RAB18: variants seen among roughly 807,000 people sequenced by gnomAD.
The protein encoded by RAB18 is ras-related protein Rab-18.
In RAB18, 10 loss-of-function variants were observed where a neutral mutation model predicts 28.5. That is an observed-to-expected ratio of 0.35 (90% CI 0.22 to 0.60). The LOEUF (loss-of-function observed/expected upper bound fraction) is 0.60, where lower values mean the gene tolerates loss of function less well. Among genes scored for constraint, RAB18 ranks in the 20% least tolerant of loss-of-function variants. The pLI, the probability that RAB18 is intolerant of heterozygous loss-of-function variation, is 0.78. For missense variants in RAB18, 188 were observed against 244.2 expected (o/e 0.77, Z 1.53); for synonymous variants, 93 against 86.9 (o/e 1.07, Z -0.39).
At chr10:27,515,480 A>G (rs1834419763) in intron 2 of RAB18, among the ~76,000 whole-genome samples, 1 of 152,206 alleles carries the variant, frequency 6.6e-6, no homozygotes, top group Non-Finnish European at 1.5e-5. Flanking sequence ...AAAATATGTG[A>G]AAATGTCTTT....
At chr10:27,522,514 G>T (rs907723022) in intron 2 of RAB18, among the ~76,000 whole-genome samples, 2 of 152,238 alleles carry the variant, frequency 1.3e-5, no homozygotes, top group East Asian at 3.9e-4. Context: ...CCAATCTTTT[G>T]ATAGGAGAGT....
intron 6 of RAB18, among the ~76,000 whole-genome samples, chr10:27,535,717 A>C (rs1834880594): frequency 6.6e-6 from 1 of 152,088 alleles, no homozygotes; most frequent in African/African-American, 2.4e-5. Flanking sequence ...GGTGGTAGAA[A>C]ATTGGCAGTT....
chr10:27,534,978 A>C (rs1010643076), intron 6 of RAB18, among the ~76,000 whole-genome samples: 1 of 152,250 alleles, frequency 6.6e-6, no homozygotes, highest in South Asian at 2.1e-4. Flanking sequence ...CAAAACTGAC[A>C]AACTTTCTGC....
rs921217148 is a variant in RAB18, at chr10:27,539,016, G to A, written c.*965G>A. On this transcript the variant is annotated 3_prime_UTR_variant, in exon 7 of 7. Coordinates refer to ENST00000356940, the MANE Select transcript of RAB18 (RefSeq NM_021252.5). Reference sequence around the variant, plus strand: ...GGGGTGGGGAAAAAAAACACTAAGTGATAATTTGAAAAAGGCATATTGCTT... The same window carrying A: ...GGGGTGGGGAAAAAAAACACTAAGTAATAATTTGAAAAAGGCATATTGCTT... The A allele has an allele frequency of 2.3e-6, 1 of 428,986 alleles. No individual in the cohort carries two copies. Among genetic ancestry groups the A allele is most frequent in the Non-Finnish European group, 4.7e-6 (1 of 213,128 alleles). 26.6% of individuals were successfully genotyped at this position (428,986 alleles called of 1,614,324 possible). A position where few individuals can be genotyped will look rare whatever the true frequency, so the allele number is the denominator to read the frequency against.
At chr10:27,507,992 G>A (rs971197494) in intron 1 of RAB18, among the ~76,000 whole-genome samples, 13 of 151,088 alleles carry the variant, frequency 8.6e-5, no homozygotes, top group Non-Finnish European at 1.3e-4. Flanking sequence ...ATTCCAGCCT[G>A]GGTGACAGAG....
chr10:27,520,092 T>A (rs1290925657), intron 2 of RAB18, among the ~76,000 whole-genome samples: 1 of 152,222 alleles, frequency 6.6e-6, no homozygotes, highest in East Asian at 1.9e-4. Flanking sequence ...TTACTTTGAT[T>A]CATTTTTCTT....
intron 3 of RAB18, chr10:27,528,171 G>T: frequency 2.6e-6 from 1 of 390,186 alleles, no homozygotes; most frequent in South Asian, 1.9e-5. Context: ...AGTAGTATCT[G>T]AGACTTGCTG....
rs1834297015 is a variant in RAB18 at position 27,510,122 on chromosome 10, A to G, written c.124+192A>G. ...CCTTTCTAGATCTTACCAAGAGAAA[A>G]TAACTTCCTTATCTGTTGTCTCATG... On this transcript the variant is annotated intron_variant, in intron 2 of 6. Coordinates refer to ENST00000356940, the MANE Select transcript of RAB18 (RefSeq NM_021252.5). 6.6e-6 allele frequency: 4 copies of G among 610,010 alleles called. No homozygotes were observed. In the South Asian group the frequency reaches 7.8e-5, roughly 12 times the overall value. 37.8% of individuals were successfully genotyped at this position (610,010 alleles called of 1,614,324 possible).
chr10:27,538,716 A>G lies in RAB18; in HGVS notation c.*665A>G, dbSNP rs1032331867. 9 of 454,010 alleles carry G rather than the reference A, an allele frequency of 2.0e-5. No homozygotes were observed. Among genetic ancestry groups the G allele is most frequent in the African/African-American group, 1.8e-4 (9 of 50,020 alleles). The allele number at this position is 454,010 out of a possible 1,614,324, so 28.1% of individuals were successfully genotyped here. A position where few individuals can be genotyped will look rare whatever the true frequency, so the allele number is the denominator to read the frequency against. ...TTAACTGGAGTTTTAATCCTGTGAT[A>G]TGTACATTGGATTCATGACTGTGCA... On this transcript the variant is annotated 3_prime_UTR_variant, in exon 7 of 7. Transcript: ENST00000356940.
At position 27,540,895 on chromosome 10, in the gene RAB18, A is replaced by G. The variant is rs756428237; in HGVS notation, c.*2844A>G. 4.4e-6 allele frequency: 2 copies of G among 454,116 alleles called. No individual in the cohort carries two copies. The highest frequency in any genetic ancestry group is 3.1e-5 in the South Asian group (2 of 64,478). 28.1% of individuals were successfully genotyped at this position (454,116 alleles called of 1,614,324 possible). A position where few individuals can be genotyped will look rare whatever the true frequency, so the allele number is the denominator to read the frequency against. On this transcript the variant is annotated 3_prime_UTR_variant, in exon 7 of 7. Transcript: ENST00000356940. ...CTACTAAGGGTGGGGCTAGCACCAT[A>G]GCTCATAAAAGAATCCTTCTTACAC... is the stretch of plus-strand genomic sequence containing the variant.
chr10:27,505,271 C>T, intron 1 of RAB18: 1 of 431,748 alleles, frequency 2.3e-6, no homozygotes, highest in South Asian at 1.7e-5. Flanking sequence ...CAGCTGATGT[C>T]ATTCTTGCCA....
At chr10:27,505,704 C>T (rs1837811491) in intron 1 of RAB18, among the ~76,000 whole-genome samples, 1 of 152,136 alleles carries the variant, frequency 6.6e-6, no homozygotes, top group Non-Finnish European at 1.5e-5. Flanking sequence ...GGACTACAGG[C>T]GCGCACTATC....
intron 1 of RAB18, among the ~76,000 whole-genome samples, chr10:27,507,314 T>C (rs1429604428): frequency 2.6e-5 from 4 of 152,192 alleles, no homozygotes; most frequent in Non-Finnish European, 5.9e-5. Context: ...ATCAGGATTA[T>C]GAAACTGGGG....
intron 1 of RAB18, among the ~76,000 whole-genome samples, chr10:27,507,289 G>A (rs1018955617): frequency 1.3e-5 from 2 of 152,192 alleles, no homozygotes; most frequent in Admixed American, 1.3e-4. Context: ...AAGGGTATGT[G>A]ATAGTAGTCA....
Position 27,509,751 on chromosome 10 carries a change from G to C in RAB18, c.69-124G>C, listed in dbSNP as rs188397633. ...ACCTGCTCTGAGGCAGTATTCCTAG[G>C]AACAGGCCTACATCAGTTATTTTTA... On this transcript the variant is annotated intron_variant, in intron 1 of 6. Coordinates refer to ENST00000356940, the MANE Select transcript of RAB18 (RefSeq NM_021252.5). The C allele has an allele frequency of 1.1e-3, 890 of 787,834 alleles. 9 individuals are homozygous for C. In the African/African-American group the frequency reaches 0.014, roughly 12 times the overall value. The allele number at this position is 787,834 out of a possible 1,614,324, so 48.8% of individuals were successfully genotyped here. A position where few individuals can be genotyped will look rare whatever the true frequency, so the allele number is the denominator to read the frequency against.
chr10:27,504,751 G>A (rs769608539), intron 1 of RAB18: 1 of 611,386 alleles, frequency 1.6e-6, no homozygotes, highest in South Asian at 1.5e-5. Context: ...TCAGGGCGTG[G>A]CGGGCTGGTT....
chr10:27,520,742 C>T (rs576711558), intron 2 of RAB18, among the ~76,000 whole-genome samples: 10 of 151,538 alleles, frequency 6.6e-5, no homozygotes, highest in Non-Finnish European at 1.3e-4. Flanking sequence ...CATGGTGAAA[C>T]CCCGTCTCTA....
chr10:27,513,052 G>A (rs1213565775), intron 2 of RAB18, among the ~76,000 whole-genome samples: 2 of 141,038 alleles, frequency 1.4e-5, no homozygotes, highest in Admixed American at 7.2e-5. Context: ...TTTTTTTGGA[G>A]ACAAGAGTCT....
chr10:27,516,512 C>T (rs550672126), intron 2 of RAB18, among the ~76,000 whole-genome samples: 12 of 150,988 alleles, frequency 7.9e-5, no homozygotes, highest in Non-Finnish European at 1.5e-4. Flanking sequence ...GAGCCAAGAT[C>T]GCACCACTGC....
Sources: gnomAD v4.1 joint callset for allele counts (sites outside exome capture counted in the v4.1 genomes callset) on GRCh38, gnomAD v4.1.1 for gene constraint, MANE v1.5 for transcripts, NCBI Gene and HGNC (gene_info 2026-07-23, HGNC 2026-07-21) for gene names.